WWOX: variants seen among roughly 807,000 people sequenced by gnomAD.
WWOX encodes the protein WW domain-containing oxidoreductase.
Under a neutral mutation model 46.2 loss-of-function variants are expected in WWOX, and 69 were observed. The ratio of observed to expected loss-of-function variants is 1.49; its 90% CI spans 1.23 to 1.82. WWOX has a LOEUF of 1.82. Ranked by LOEUF, WWOX falls within the 40% of genes most tolerant of loss-of-function variation. The probability of loss-of-function intolerance (pLI) is 0.00; values close to 1 mark genes in which losing one functional copy is unlikely to be tolerated. For synonymous variants in WWOX, 359 were observed against 202.6 expected (o/e 1.77, Z -6.56); for missense variants, 919 against 542.6 (o/e 1.69, Z -6.89).
chr16:78,752,779 C>A (rs8052158), intron 8 of WWOX, among the ~76,000 whole-genome samples: 1 of 152,060 alleles, frequency 6.6e-6, no homozygotes, highest in African/African-American at 2.4e-5. Flanking sequence ...AATAAGTAGT[C>A]TCCAATAAAT....
At chr16:78,425,594 T>G (rs1292461763) in intron 7 of WWOX, among the ~76,000 whole-genome samples, 2 of 151,578 alleles carry the variant, frequency 1.3e-5, no homozygotes, top group African/African-American at 2.4e-5. Flanking sequence ...CAGATGGCAC[T>G]TTTTTCCTAT....
chr16:78,853,736 A>T (rs2052504319), intron 8 of WWOX, among the ~76,000 whole-genome samples: 1 of 151,968 alleles, frequency 6.6e-6, no homozygotes, highest in African/African-American at 2.4e-5. Context: ...CTGTTATGAA[A>T]CCCAGCTTGT....
intron 8 of WWOX, among the ~76,000 whole-genome samples, chr16:78,485,846 C>T (rs990572856): frequency 3.3e-5 from 5 of 152,168 alleles, no homozygotes; most frequent in African/African-American, 1.2e-4. Flanking sequence ...ACTTATTTTG[C>T]GAGCCTTATT....
intron 8 of WWOX, among the ~76,000 whole-genome samples, chr16:78,659,652 C>A (rs189650763): frequency 1.2e-4 from 18 of 152,294 alleles, no homozygotes; most frequent in African/African-American, 3.8e-4. Flanking sequence ...GGAGCGAGTT[C>A]AGGAGAGTTG....
intron 5 of WWOX, among the ~76,000 whole-genome samples, chr16:78,186,642 G>T (rs1248580640): frequency 2.0e-5 from 3 of 152,214 alleles, no homozygotes; most frequent in Non-Finnish European, 4.4e-5. Flanking sequence ...GCACGTGCCT[G>T]TAATCCCAGC....
chr16:79,053,238 G>A (rs1485433852), intron 8 of WWOX, among the ~76,000 whole-genome samples: 4 of 152,086 alleles, frequency 2.6e-5, no homozygotes, highest in Admixed American at 6.6e-5. Flanking sequence ...GCACACATAC[G>A]TAATTACAAA....
rs74028162 is a variant in WWOX, at chr16:78,392,947, G to C, written c.605+5999G>C. 5.5e-3 allele frequency among the ~76,000 whole-genome samples: 842 copies of C among 152,194 alleles called. 8 individuals are homozygous for C. The highest frequency in any genetic ancestry group is 0.019 in the African/African-American group (787 of 41,544). On this transcript the variant is annotated intron_variant, in intron 6 of 8. Coordinates refer to ENST00000566780, the MANE Select transcript of WWOX (RefSeq NM_016373.4). ...GGAAGCCTCAGCCTGCTTCCAGATA[G>C]TTCTCCTCAGAGTTAGCGGTAGCAG...
intron 8 of WWOX, among the ~76,000 whole-genome samples, chr16:79,177,731 C>T (rs1168795222): frequency 6.6e-6 from 1 of 152,112 alleles, no homozygotes; most frequent in African/African-American, 2.4e-5. Flanking sequence ...TATTCTTTTA[C>T]AAAAAGGGTC....
chr16:78,358,037 C>CCATAT (rs1157206672), intron 5 of WWOX, among the ~76,000 whole-genome samples: 1 of 152,282 alleles, frequency 6.6e-6, no homozygotes, highest in Admixed American at 6.5e-5. Context: ...ACATAATGAA[C>CCATAT]CATATGCACG....
chr16:78,151,321 G>T (rs1285858761), intron 4 of WWOX, among the ~76,000 whole-genome samples: 8 of 152,186 alleles, frequency 5.3e-5, no homozygotes, highest in Admixed American at 5.2e-4. Context: ...ACACCTGCTT[G>T]AAGTCAGGCT....
intron 8 of WWOX, among the ~76,000 whole-genome samples, chr16:78,448,270 A>C (rs1343581696): frequency 1.3e-5 from 2 of 152,198 alleles, no homozygotes; most frequent in African/African-American, 4.8e-5. Context: ...AAAATTCCTC[A>C]AGACGAGCAA....
chr16:78,464,287 A>G (rs956577004), intron 8 of WWOX, among the ~76,000 whole-genome samples: 2 of 151,822 alleles, frequency 1.3e-5, no homozygotes, highest in Non-Finnish European at 2.9e-5. Flanking sequence ...AGGGAGGCAA[A>G]AAGAAAAAGG....
At chr16:79,159,276 G>C (rs911332378) in intron 8 of WWOX, among the ~76,000 whole-genome samples, 6 of 152,190 alleles carry the variant, frequency 3.9e-5, no homozygotes, top group African/African-American at 1.4e-4. Flanking sequence ...TGCATACGCA[G>C]CTCACCGTGT....
intron 6 of WWOX, among the ~76,000 whole-genome samples, chr16:78,390,244 G>A (rs746657508): frequency 2.0e-5 from 3 of 152,226 alleles, no homozygotes; most frequent in Non-Finnish European, 2.9e-5. Flanking sequence ...TTGGAAGTGA[G>A]CAGCTTTGCT....
rs562807313 is a variant in WWOX, at chr16:78,753,941, C to A, written c.1056+321189C>A. Among the ~76,000 whole-genome samples the A allele has an allele frequency of 4.2e-5, 6 of 141,250 alleles. No homozygotes were observed. In the South Asian group the frequency reaches 1.4e-3, roughly 32 times the overall value. 92.7% of individuals were successfully genotyped at this position (141,250 alleles called of 152,430 possible). On this transcript the variant is annotated intron_variant, in intron 8 of 8. Coordinates refer to ENST00000566780, the MANE Select transcript of WWOX (RefSeq NM_016373.4). ...TCACATGACTTTTAAGTGGCAGAAA[C>A]AGGGGAATTCTGTCTAACACAATCC... is the stretch of plus-strand genomic sequence containing the variant.
At chr16:78,710,882 G>T (rs1237739772) in intron 8 of WWOX, among the ~76,000 whole-genome samples, 1 of 152,090 alleles carries the variant, frequency 6.6e-6, no homozygotes, top group Non-Finnish European at 1.5e-5. Context: ...CTCCCAAAGT[G>T]CTGGGATTAC....
intron 5 of WWOX, among the ~76,000 whole-genome samples, chr16:78,356,774 C>T (rs758131500): frequency 2.6e-5 from 4 of 151,974 alleles, no homozygotes; most frequent in Admixed American, 6.6e-5. Context: ...CCCAGCGACT[C>T]GGGAGGCTGA....
At chr16:79,185,645 C>G (rs1382361619) in intron 8 of WWOX, among the ~76,000 whole-genome samples, 1 of 152,094 alleles carries the variant, frequency 6.6e-6, no homozygotes, top group Non-Finnish European at 1.5e-5. Context: ...GGCCTTTTGT[C>G]AAACACCTGC....
At position 78,559,994 on chromosome 16, in the gene WWOX, G is replaced by C. The variant is rs1341648764; in HGVS notation, c.1056+127242G>C. On this transcript the variant is annotated intron_variant, in intron 8 of 8. Coordinates refer to ENST00000566780, the MANE Select transcript of WWOX (RefSeq NM_016373.4). ...CTAGCCAAGGTCTCTGGAGTTTGCTGTTATATTGCTTCAGAGAAATTAGTG... is the reference window on the plus strand; with the variant it reads ...CTAGCCAAGGTCTCTGGAGTTTGCTCTTATATTGCTTCAGAGAAATTAGTG... Among the ~76,000 whole-genome samples, 9 of 152,304 alleles carry C rather than the reference G, an allele frequency of 5.9e-5. No individual in the cohort carries two copies. The East Asian group carries it at 1.3e-3, about 23-fold the overall frequency.
Sources: allele counts gnomAD v4.1 joint callset (sites outside exome capture counted in the v4.1 genomes callset), GRCh38; gene constraint gnomAD v4.1.1; transcripts MANE v1.5; gene names NCBI Gene and HGNC (gene_info 2026-07-23, HGNC 2026-07-21).